NRXN1: variants seen among roughly 807,000 people sequenced by gnomAD.
NRXN1 encodes neurexin 1.
NRXN1 carries 39 observed loss-of-function variants against 150.9 expected under a neutral mutation model. The ratio of observed to expected loss-of-function variants is 0.26; its 90% confidence interval spans 0.20 to 0.34. The LOEUF (loss-of-function observed/expected upper bound fraction) is 0.34. Among genes scored for constraint, NRXN1 ranks in the 10% least tolerant of loss-of-function variants. The pLI is 1.00. For missense variants in NRXN1, 1,815 were observed against 1,949.9 expected (o/e 0.93, Z 1.30); for synonymous variants, 924 against 757.0 (o/e 1.22, Z -3.62).
intron 18 of NRXN1, among the ~76,000 whole-genome samples, chr2:50,137,432 C>G (rs115092475): frequency 0.014 from 2,066 of 152,114 alleles, 63 homozygotes; most frequent in African/African-American, 0.048. Flanking sequence ...AGTCACTGGG[C>G]TAGTATGGAT....
intron 21 of NRXN1, chr2:50,019,268 C>T: frequency 4.2e-6 from 2 of 471,482 alleles, no homozygotes; most frequent in Non-Finnish European, 8.8e-6. Flanking sequence ...GGCCTGTTCT[C>T]CATAAGTTTG....
intron 16 of NRXN1, among the ~76,000 whole-genome samples, chr2:50,468,803 A>G (rs1453780638): frequency 1.3e-5 from 2 of 151,476 alleles, no homozygotes; most frequent in Non-Finnish European, 3.0e-5. Flanking sequence ...AATGATACCT[A>G]TTGTATAGAG....
chr2:50,745,296 T>A lies in NRXN1; in HGVS notation c.833-121681A>T, dbSNP rs530479764. On this transcript the variant is annotated intron_variant, in intron 5 of 22. Coordinates refer to ENST00000401669, the MANE Select transcript of NRXN1 (RefSeq NM_001330078.2). ...AATCATGCTTATTTTTATATTTATA[T>A]CTGCCCCCCCCCAGGACTGAAAAAA... Among the ~76,000 whole-genome samples the A allele has an allele frequency of 9.0e-5, 10 of 111,540 alleles. No individual in the cohort carries two copies. The East Asian group carries it at 3.1e-3, about 35-fold the overall frequency. 73.2% of individuals were successfully genotyped at this position (111,540 alleles called of 152,430 possible). A position where few individuals can be genotyped will look rare whatever the true frequency, so the allele number is the denominator to read the frequency against.
intron 18 of NRXN1, among the ~76,000 whole-genome samples, chr2:50,218,504 T>C (rs1175340309): frequency 1.3e-5 from 2 of 151,608 alleles, no homozygotes; most frequent in African/African-American, 4.8e-5. Context: ...TTTTTTTTTT[T>C]TTTCTTTCTC....
At chr2:50,191,333 A>G (rs746295663) in intron 18 of NRXN1, among the ~76,000 whole-genome samples, 5 of 151,852 alleles carry the variant, frequency 3.3e-5, no homozygotes, top group Non-Finnish European at 7.4e-5. Context: ...AGCCACCATG[A>G]CCGGCAATTT....
chr2:50,394,196 C>G (rs112073353), intron 17 of NRXN1, among the ~76,000 whole-genome samples: 1 of 151,986 alleles, frequency 6.6e-6, no homozygotes, highest in African/African-American at 2.4e-5. Context: ...TCTTGTCCTG[C>G]GACTACAATC....
chr2:50,173,716 G>C (rs1253316114), intron 18 of NRXN1, among the ~76,000 whole-genome samples: 5 of 152,004 alleles, frequency 3.3e-5, no homozygotes, highest in Non-Finnish European at 7.4e-5. Context: ...TTTTATGTTA[G>C]CATTAATGTT....
intron 21 of NRXN1, among the ~76,000 whole-genome samples, chr2:49,949,396 C>A (rs1673527372): frequency 6.6e-6 from 1 of 151,832 alleles, no homozygotes; most frequent in Non-Finnish European, 1.5e-5. Flanking sequence ...TAAAAATATA[C>A]AAGGAAAGCA....
intron 9 of NRXN1, among the ~76,000 whole-genome samples, chr2:50,547,280 T>C (rs918615177): frequency 6.7e-6 from 1 of 149,256 alleles, no homozygotes; most frequent in African/African-American, 2.5e-5. Flanking sequence ...TTGATTTCAA[T>C]GTGTAATGAT....
intron 18 of NRXN1, among the ~76,000 whole-genome samples, chr2:50,113,418 A>C (rs1418817024): frequency 6.6e-6 from 1 of 152,214 alleles, no homozygotes; most frequent in East Asian, 1.9e-4. Context: ...ACACTGAAAA[A>C]TACTTTTGAA....
chr2:50,534,738 CTTCT>C (rs1465345600), intron 10 of NRXN1, among the ~76,000 whole-genome samples: 1 of 152,106 alleles, frequency 6.6e-6, no homozygotes, highest in Non-Finnish European at 1.5e-5. Flanking sequence ...TTTGTTTTCT[CTTCT>C]TTATTTAATC....
At chr2:50,094,073 T>C (rs932756087) in intron 18 of NRXN1, among the ~76,000 whole-genome samples, 2 of 152,228 alleles carry the variant, frequency 1.3e-5, no homozygotes, top group African/African-American at 4.8e-5. Flanking sequence ...TATCAATCAA[T>C]GTATGTTTAA....
At chr2:50,415,099 T>C (rs1314915389) in intron 17 of NRXN1, among the ~76,000 whole-genome samples, 6 of 152,112 alleles carry the variant, frequency 3.9e-5, no homozygotes, top group Non-Finnish European at 8.8e-5. Context: ...TGTGGAATGG[T>C]ACATAGGAAG....
intron 5 of NRXN1, among the ~76,000 whole-genome samples, chr2:50,707,695 A>T (rs1019811701): frequency 4.6e-5 from 7 of 152,132 alleles, no homozygotes; most frequent in Non-Finnish European, 8.8e-5. Context: ...ATTCATTTAG[A>T]ACAATGTGAT....
At chr2:50,928,449 T>C (rs1244531814) in intron 2 of NRXN1, among the ~76,000 whole-genome samples, 1 of 152,052 alleles carries the variant, frequency 6.6e-6, no homozygotes, top group Non-Finnish European at 1.5e-5. Flanking sequence ...AGAAAATCCC[T>C]ACATTATTTC....
intron 15 of NRXN1, among the ~76,000 whole-genome samples, chr2:50,473,151 A>G (rs1475065998): frequency 1.3e-5 from 2 of 151,974 alleles, no homozygotes; most frequent in African/African-American, 2.4e-5. Context: ...TAGTCTGTAC[A>G]TAAGTGGATA....
intron 21 of NRXN1, among the ~76,000 whole-genome samples, chr2:49,962,342 C>T (rs1006871886): frequency 2.0e-5 from 3 of 151,946 alleles, no homozygotes; most frequent in South Asian, 2.1e-4. Context: ...ATTTGCATCC[C>T]GTAATAGAAA....
chr2:50,983,883 A>G (rs1229721636), intron 2 of NRXN1, among the ~76,000 whole-genome samples: 1 of 152,134 alleles, frequency 6.6e-6, no homozygotes, highest in Non-Finnish European at 1.5e-5. Context: ...TACATAGTAG[A>G]GTGGATAGAC....
intron 5 of NRXN1, among the ~76,000 whole-genome samples, chr2:50,722,511 G>A (rs1696804956): frequency 6.6e-6 from 1 of 152,040 alleles, no homozygotes; most frequent in Admixed American, 6.6e-5. Flanking sequence ...CATATACATT[G>A]TTTAGTAGAC....
Sources: allele counts gnomAD v4.1 joint callset (sites outside exome capture counted in the v4.1 genomes callset), GRCh38; gene constraint gnomAD v4.1.1; transcripts MANE v1.5; gene names NCBI Gene and HGNC (gene_info 2026-07-23, HGNC 2026-07-21).